Variants in TLE6 observed in about 807,000 individuals in gnomAD.
TLE6 encodes transducin-like enhancer protein 6.
TLE6 carries 72 observed loss-of-function variants against 77.1 expected under a neutral mutation model. The ratio of observed to expected loss-of-function variants is 0.93; its 90% CI spans 0.77 to 1.14. The LOEUF is 1.14. Ranked by LOEUF, TLE6 falls within the 50% of genes most tolerant of loss-of-function variation. The pLI is 0.00. For synonymous variants in TLE6, 366 were observed against 287.3 expected, an observed-to-expected ratio of 1.27 and a Z score of -2.77; for missense variants, 843 against 747.6, an observed-to-expected ratio of 1.13 and a Z score of -1.49.
chr19:2,979,205 G>A lies in TLE6; in HGVS notation c.52-895G>A, dbSNP rs140254088. Among the ~76,000 whole-genome samples the A allele has an allele frequency of 9.1e-3, 1,380 of 152,140 alleles. 22 individuals carry two copies. Among genetic ancestry groups the A allele is most frequent in the African/African-American group, 0.031 (1,305 of 41,490 alleles). On this transcript the variant is annotated intron_variant, in intron 2 of 16. Coordinates refer to ENST00000246112, the MANE Select transcript of TLE6 (RefSeq NM_001143986.2). ...CTGACCTCGTGATCTGCCTGCCTCA[G>A]CCTCCCAAAGTGCTGGGGTTATAGG...
At position 2,989,092 on chromosome 19, in the gene TLE6, T is replaced by C. The variant is rs867308541; in HGVS notation, c.772T>C (p.Trp258Arg). 1 of 1,614,052 alleles carries C rather than the reference T, an allele frequency of 6.2e-7. No homozygotes were observed. Among genetic ancestry groups the C allele is most frequent in the East Asian group, 2.2e-5 (1 of 44,882 alleles). ...SWDPEDFEDA[W>R]KRPDALPGQS... ...GGACCCTGAGGACTTTGAAGATGCA[T>C]GGAAGAGGCCAGATGCCTTGCCCGG... is the stretch of plus-strand genomic sequence containing the variant. Residue 258 changes from tryptophan to arginine, a missense_variant, in exon 12 of 17, where the codon TGG (tryptophan) becomes CGG (arginine). Physicochemically the swap from Trp to Arg is moderately radical, Grantham distance 101. Coordinates refer to ENST00000246112, the MANE Select transcript of TLE6 (RefSeq NM_001143986.2).
rs2088986515 is a variant in TLE6, at chr19:2,989,253, G to A, written c.933G>A (p.Val311=). ...VFTCGRRGIK[V]WSLTGQVAED... is the part of the protein sequence containing the mutation. ...CCTGTGGCAGAAGAGGCATCAAGGT[G>A]TGGAGCCTGACTGGACAGGTGGCTG... The change falls in exon 12 of 17, where the codon GTG becomes GTA. Residue 311 remains valine, a synonymous_variant. Transcript: ENST00000246112. 6.2e-7 allele frequency: 1 copy of A among 1,613,916 alleles called. No homozygotes were observed. Among genetic ancestry groups the A allele is most frequent in the South Asian group, 1.1e-5 (1 of 91,088 alleles).
Position 2,989,256 on chromosome 19 carries a change from G to C in TLE6, c.936G>C (p.Trp312Cys). The change falls in exon 12 of 17, where the codon TGG becomes TGC. Residue 312 changes from tryptophan to cysteine, a missense_variant. By Grantham distance (215) the Trp-to-Cys change is radical. Coordinates refer to ENST00000246112, the MANE Select transcript of TLE6 (RefSeq NM_001143986.2). Reference protein sequence around the residue: ...FTCGRRGIKVWSLTGQVAEDR... With the variant: ...FTCGRRGIKVCSLTGQVAEDR... ...GTGGCAGAAGAGGCATCAAGGTGTGGAGCCTGACTGGACAGGTGGCTGAGG... is the reference window on the plus strand; with the variant it reads ...GTGGCAGAAGAGGCATCAAGGTGTGCAGCCTGACTGGACAGGTGGCTGAGG... The C allele has an allele frequency of 1.2e-6, 2 of 1,613,854 alleles. No individual in the cohort carries two copies. The highest frequency in any genetic ancestry group is 1.1e-5 in the South Asian group (1 of 91,086).
intron 13 of TLE6, among the ~76,000 whole-genome samples, chr19:2,991,374 ACG>A (rs2089052810): frequency 2.0e-5 from 2 of 100,546 alleles, no homozygotes; most frequent in African/African-American, 8.5e-5. Context: ...AAAAAAAAAT[ACG>A]TATATATATA....
rs1250629609 is a variant in TLE6, at chr19:2,982,207, CAG to C, written c.222+19_222+20del. 1.4e-5 allele frequency: 22 copies of C among 1,550,962 alleles called. No individual in the cohort carries two copies. Among genetic ancestry groups the C allele is most frequent in the African/African-American group, 5.5e-5 (4 of 72,890 alleles). ...ACAAGCAGGTGGGTGACCAGGAGCT[CAG>C]GGGTGCGGCTGTCCCTCCATGAAAG... On this transcript the variant is annotated intron_variant, in intron 5 of 16. Transcript: ENST00000246112.
At position 2,989,675 on chromosome 19, in the gene TLE6, A is replaced by G. The variant is rs2088999662; in HGVS notation, c.1134A>G (p.Ala378=). The change falls in exon 13 of 17, where the codon GCA becomes GCG. Residue 378 remains alanine (A), a synonymous_variant. Transcript: ENST00000246112. The part of the protein sequence containing the change: ...SLHVKEQLPC[A]GLNCQALDAN... ...ATGTGAAGGAGCAGTTGCCCTGTGC[A>G]GGTCTCAACTGCCAGGCCCTGGATG... 1.2e-6 allele frequency: 2 copies of G among 1,614,218 alleles called. No individual in the cohort carries two copies. Among genetic ancestry groups the G allele is most frequent in the Non-Finnish European group, 1.7e-6 (2 of 1,180,028 alleles).
chr19:2,988,140 C>A lies in TLE6; in HGVS notation c.740+12C>A, dbSNP rs1396227786. On this transcript the variant is annotated intron_variant, in intron 11 of 16. Transcript: ENST00000246112. ...TTTCTACAGTCCATGTAAGTGTCTG[C>A]ACTGTTTGCTTTTGGGCGGGGTGAG... 5 of 1,551,530 alleles carry A rather than the reference C, an allele frequency of 3.2e-6. No homozygotes were observed. The East Asian group carries it at 1.2e-4, about 38-fold the overall frequency.
At chr19:2,994,870 C>T (rs774105521) in intron 16 of TLE6, 30 bp from the exon 17 acceptor site, 30 of 1,408,234 alleles carry the variant, frequency 2.1e-5, no homozygotes, top group Non-Finnish European at 2.8e-5. Flanking sequence ...GAGCCCTACC[C>T]CAGCTCACTG....
At chr19:2,981,004 T>C (rs1482816206) in intron 3 of TLE6, among the ~76,000 whole-genome samples, 1 of 150,630 alleles carries the variant, frequency 6.6e-6, no homozygotes, top group African/African-American at 2.5e-5. Flanking sequence ...TGAGCCATGA[T>C]TGTACCACTG....
rs1158204473 is a variant in TLE6, at chr19:2,985,399, C to CTTTTTTTTTTTT, written c.223-1420_223-1409dup. Among the ~76,000 whole-genome samples the CTTTTTTTTTTTT allele has an allele frequency of 7.8e-5, 7 of 89,988 alleles. 1 individual carries two copies. The highest frequency in any genetic ancestry group is 2.0e-4 in the African/African-American group (4 of 20,322). The allele number at this position is 89,988 out of a possible 152,430, so 59.0% of individuals were successfully genotyped here. On this transcript the variant is annotated intron_variant, in intron 5 of 16. Transcript: ENST00000246112. ...GGTATGCTGTTTTGCTGCTTGAAGC[C>CTTTTTTTTTTTT]TTTTTTTTTTTTTTTTTTTTTGAGA...
At chr19:2,991,358 C>CA (rs1336193754) in intron 13 of TLE6, among the ~76,000 whole-genome samples, 4,059 of 58,724 alleles carry the variant, frequency 0.069, 250 homozygotes, top group African/African-American at 0.2. Context: ...GACTCCATTT[C>CA]AAAAAAAAAA....
At chr19:2,985,647 C>T (rs2088893343) in intron 5 of TLE6, among the ~76,000 whole-genome samples, 1 of 149,114 alleles carries the variant, frequency 6.7e-6, no homozygotes, top group South Asian at 2.1e-4. Flanking sequence ...TCTCAATCTC[C>T]TGACCTCATG....
Position 2,985,589 on chromosome 19 carries a change from T to G in TLE6, c.223-1240T>G, listed in dbSNP as rs542622022. On this transcript the variant is annotated intron_variant, in intron 5 of 16. Transcript: ENST00000246112. Reference sequence around the variant, plus strand: ...ATGCCTGGCTAATTTTTTTTTTTTTTTTTGTATTTTTAGTAGAGATGGAGT... The same window carrying G: ...ATGCCTGGCTAATTTTTTTTTTTTTGTTTGTATTTTTAGTAGAGATGGAGT... 2.1e-3 allele frequency among the ~76,000 whole-genome samples: 314 copies of G among 147,966 alleles called. 2 individuals carry two copies. The highest frequency in any genetic ancestry group is 7.1e-3 in the African/African-American group (287 of 40,530).
At position 2,995,075 on chromosome 19, in the gene TLE6, G is replaced by A. The variant is rs140782715; in HGVS notation, c.*71G>A. 2.6e-3 allele frequency: 2,546 copies of A among 977,756 alleles called. 26 individuals are homozygous for A. In the East Asian group the frequency reaches 0.026, roughly 10 times the overall value. The allele number at this position is 977,756 out of a possible 1,614,324, so 60.6% of individuals were successfully genotyped here. ...CCCCCTTCCCCCCCCCCAACAAGGG[G>A]GACATGGTGGAGGGAAGCGGGAAGG... is the stretch of plus-strand genomic sequence containing the variant. On this transcript the variant is annotated 3_prime_UTR_variant, in exon 17 of 17. Coordinates refer to ENST00000246112, the MANE Select transcript of TLE6 (RefSeq NM_001143986.2).
At chr19:2,987,327 C>A in intron 7 of TLE6, 29 bp from the exon 8 acceptor site, 1 of 1,614,134 alleles carries the variant, frequency 6.2e-7, no homozygotes, top group Non-Finnish European at 8.5e-7. Context: ...TCTCTGTCCC[C>A]CTCCTCCTCT....
In TLE6 at chr19:2,991,891, C is replaced by G; in HGVS notation, c.1293C>G (p.Gly431=). 2 of 1,613,860 alleles carry G rather than the reference C, an allele frequency of 1.2e-6. No homozygotes were observed. Among genetic ancestry groups the G allele is most frequent in the Non-Finnish European group, 1.7e-6 (2 of 1,179,974 alleles). ...PDGVKSIVVK[G]YNIWTGGPDA... ...GAGTCAAGAGTATCGTGGTCAAGGG[C>G]TACAACATCTGGACTGGGGGTCCGG... Residue 431 remains glycine, a synonymous_variant, in exon 14 of 17, where the codon GGC becomes GGG. Coordinates refer to ENST00000246112, the MANE Select transcript of TLE6 (RefSeq NM_001143986.2).
intron 13 of TLE6, among the ~76,000 whole-genome samples, chr19:2,991,376 G>GTGTATA (rs1491247309): frequency 1.0e-4 from 11 of 105,540 alleles, no homozygotes; most frequent in Non-Finnish European, 1.5e-4. Context: ...AAAAAAATAC[G>GTGTATA]TATATATATA....
chr19:2,994,059 C>A lies in TLE6; in HGVS notation c.1578C>A (p.Gly526=). 1.2e-6 allele frequency: 2 copies of A among 1,608,568 alleles called. No homozygotes were observed. Among genetic ancestry groups the A allele is most frequent in the Non-Finnish European group, 1.7e-6 (2 of 1,178,050 alleles). The change falls in exon 16 of 17, where the codon GGC becomes GGA. Residue 526 remains glycine (G), a synonymous_variant. Transcript: ENST00000246112. ...WASVGMDDFL[G]VYSMPAGTKV... The stretch of plus-strand genomic sequence containing the variant: ...GCGTTGGAATGGACGACTTCCTTGG[C>A]GTCTACAGCATGCCGGCGGGGACAA...
At chr19:2,992,911 G>A (rs556819949) in intron 14 of TLE6, among the ~76,000 whole-genome samples, 8 of 149,670 alleles carry the variant, frequency 5.3e-5, no homozygotes, top group African/African-American at 1.2e-4. Context: ...TTTGCAGGCC[G>A]GGCGCAGTGT....
Sources: gnomAD v4.1 joint callset for allele counts (sites outside exome capture counted in the v4.1 genomes callset) on GRCh38, gnomAD v4.1.1 for gene constraint, MANE v1.5 for transcripts, NCBI Gene and HGNC (gene_info 2026-07-23, HGNC 2026-07-21) for gene names.